SCAF1: variants seen among roughly 807,000 people sequenced by gnomAD.
SCAF1 encodes the protein SR-related CTD associated factor 1, also known as splicing factor, arginine/serine-rich 19.
SCAF1 carries 28 observed loss-of-function variants against 91.2 expected under a neutral mutation model. That is an observed-to-expected ratio of 0.31 (90% CI 0.23 to 0.42). The LOEUF is 0.42. Among genes scored for constraint, SCAF1 ranks in the 10% least tolerant of loss-of-function variants. The pLI is 1.00. For missense variants in SCAF1, 1,893 were observed against 1,872.1 expected, an observed-to-expected ratio of 1.01 and a Z score of -0.21; for synonymous variants, 1,036 against 833.7, an observed-to-expected ratio of 1.24 and a Z score of -4.18.
intron 7 of SCAF1, 121 bp from the exon 8 acceptor site, chr19:49,654,228 G>T: frequency 1.3e-6 from 1 of 788,736 alleles, no homozygotes; most frequent in Non-Finnish European, 2.1e-6. Flanking sequence ...CTGAGCGTGA[G>T]GCTTTGTGGC....
At chr19:49,644,043 G>A (rs552186739) in intron 1 of SCAF1, among the ~76,000 whole-genome samples, 2 of 152,346 alleles carry the variant, frequency 1.3e-5, no homozygotes, top group Non-Finnish European at 2.9e-5. Context: ...TGCTCTAAAT[G>A]TGTGGCAGAA....
intron 9 of SCAF1, among the ~76,000 whole-genome samples, chr19:49,655,986 A>G (rs2081136685): frequency 6.6e-6 from 1 of 152,182 alleles, no homozygotes; most frequent in South Asian, 2.1e-4. Context: ...GTGTTTTCTT[A>G]CAGTCTAGTA....
chr19:49,646,226 G>C lies in SCAF1; in HGVS notation c.261+24G>C. On this transcript the variant is annotated intron_variant, in intron 4 of 10. Coordinates refer to ENST00000360565, the MANE Select transcript of SCAF1 (RefSeq NM_021228.3). The surrounding 1 kb of genome is among the most constrained non-coding windows in gnomAD (Gnocchi z 5.6). ...CTGTGAGTAAGAAGAGGGGGCTGGGGGCCTGGCTCACGGGTATCAGGGAGG... is the reference window on the plus strand; with the variant it reads ...CTGTGAGTAAGAAGAGGGGGCTGGGCGCCTGGCTCACGGGTATCAGGGAGG... The C allele has an allele frequency of 1.9e-6, 3 of 1,587,440 alleles. No individual in the cohort carries two copies. In the South Asian group the frequency reaches 3.3e-5, roughly 18 times the overall value.
Position 49,652,255 on chromosome 19 carries a change from G to C in SCAF1, c.1866G>C (p.Ser622=). The change falls in exon 7 of 11, where the codon TCG becomes TCC. Residue 622 remains serine, a synonymous_variant. Transcript: ENST00000360565. ...SASPPPATSS[S]SSSRRERHRG... is the part of the protein sequence containing the mutation. ...CCCCGCCCCCGGCCACTTCCTCATC[G>C]TCGTCCTCGAGGCGCGAGCGGCACC... 6 of 1,431,064 alleles carry C rather than the reference G, an allele frequency of 4.2e-6. No individual in the cohort carries two copies. Among genetic ancestry groups the C allele is most frequent in the South Asian group, 1.4e-5 (1 of 70,624 alleles). The allele number at this position is 1,431,064 out of a possible 1,614,324, so 88.6% of individuals were successfully genotyped here.
intron 7 of SCAF1, 56 bp downstream of exon 7, chr19:49,653,761 G>A: frequency 7.0e-7 from 1 of 1,436,954 alleles, no homozygotes; most frequent in Non-Finnish European, 9.2e-7. Context: ...GATGGGGACT[G>A]GAGGGTACAG....
At chr19:49,657,654 G>A in intron 9 of SCAF1, 107 bp from the exon 10 acceptor site, 1 of 1,365,654 alleles carries the variant, frequency 7.3e-7, no homozygotes. Context: ...GAGAGCAGCT[G>A]GACGGCCAGA....
At chr19:49,654,114 T>C (rs2081123142) in intron 7 of SCAF1, among the ~76,000 whole-genome samples, 1 of 152,158 alleles carries the variant, frequency 6.6e-6, no homozygotes, top group Non-Finnish European at 1.5e-5. Context: ...CACTGTCTCA[T>C]CACTGCATGA....
In SCAF1 at chr19:49,652,887, TG is replaced by T; in HGVS notation, c.2499del (p.Gln834SerfsTer7). ...TCCTGTTCTTCCCGGAAGGTGAAGC[TG>T]CAGTCCAAGGTGGCGGTGCTGATCC... Reference protein sequence around the residue: ...SSSCSSRKVKLQSKVAVLIRE... With the variant: ...SSSCSSRKVKXQSKVAVLIRE... On this transcript the variant is annotated frameshift_variant, in exon 7 of 11. Coordinates refer to ENST00000360565, the MANE Select transcript of SCAF1 (RefSeq NM_021228.3). LOFTEE classifies it high-confidence loss of function. 6.2e-7 allele frequency: 1 copy of T among 1,613,978 alleles called. No individual in the cohort carries two copies. The highest frequency in any genetic ancestry group is 8.5e-7 in the Non-Finnish European group (1 of 1,179,996).
At chr19:49,656,164 G>A (rs1025189911) in intron 9 of SCAF1, among the ~76,000 whole-genome samples, 6 of 125,254 alleles carry the variant, frequency 4.8e-5, no homozygotes, top group Non-Finnish European at 9.5e-5. Context: ...CTCGGACGGT[G>A]AGGACCCCCT....
upstream of SCAF1, among the ~76,000 whole-genome samples, chr19:49,640,827 A>C (rs2081022590): frequency 6.6e-6 from 1 of 152,170 alleles, no homozygotes; most frequent in Non-Finnish European, 1.5e-5. Flanking sequence ...AGCTCGCCCA[A>C]GTAGGGATGC....
chr19:49,652,909 G>A lies in SCAF1; in HGVS notation c.2520G>A (p.Leu840=). Reference sequence around the variant, plus strand: ...AGCTGCAGTCCAAGGTGGCGGTGCTGATCCGCGAGGGTGTCAGCAGCACCA... The same window carrying A: ...AGCTGCAGTCCAAGGTGGCGGTGCTAATCCGCGAGGGTGTCAGCAGCACCA... ...KVKLQSKVAV[L]IREGVSSTTP... is the part of the protein sequence containing the mutation. Residue 840 remains leucine (L), a synonymous_variant, in exon 7 of 11, where the codon CTG becomes CTA. Coordinates refer to ENST00000360565, the MANE Select transcript of SCAF1 (RefSeq NM_021228.3). The A allele has an allele frequency of 6.2e-7, 1 of 1,613,882 alleles. No homozygotes were observed. Among genetic ancestry groups the A allele is most frequent in the Non-Finnish European group, 8.5e-7 (1 of 1,179,980 alleles).
upstream of SCAF1, among the ~76,000 whole-genome samples, chr19:49,641,626 T>TTTTTTA (rs762515358): frequency 7.7e-4 from 117 of 152,268 alleles, no homozygotes; most frequent in South Asian, 6.2e-4. Context: ...CTATTTTTAT[T>TTTTTTA]TTTTTAGAGG....
chr19:49,644,332 T>C (rs117598457), intron 1 of SCAF1, among the ~76,000 whole-genome samples: 9 of 152,232 alleles, frequency 5.9e-5, no homozygotes, highest in African/African-American at 2.2e-4. Flanking sequence ...TCCATGACAT[T>C]GCAAAGGCTT....
At chr19:49,658,091 T>C (rs2081156182) in intron 10 of SCAF1, 117 bp from the exon 11 acceptor site, 43 of 1,274,760 alleles carry the variant, frequency 3.4e-5, no homozygotes, top group Non-Finnish European at 4.6e-5. Flanking sequence ...ACAGAGGGAC[T>C]TTGGCCTGGT....
At position 49,654,400 on chromosome 19, in the gene SCAF1, A is replaced by C; in HGVS notation, c.3368A>C (p.Lys1123Thr). 1 of 1,613,484 alleles carries C rather than the reference A, an allele frequency of 6.2e-7. No homozygotes were observed. Among genetic ancestry groups the C allele is most frequent in the South Asian group, 1.1e-5 (1 of 91,056 alleles). Reference sequence around the variant, plus strand: ...GAAGCCAACCTGGCGAGCCGAGCGAAGGCCCAGGAGCTGATCCAGGCCACC... The same window carrying C: ...GAAGCCAACCTGGCGAGCCGAGCGACGGCCCAGGAGCTGATCCAGGCCACC... ...MEEANLASRAKAQELIQATNQ... is the reference protein window; with the variant it reads ...MEEANLASRATAQELIQATNQ... Residue 1123 changes from lysine (K) to threonine (T), a missense_variant, in exon 8 of 11, where the codon AAG becomes ACG. Transcript: ENST00000360565.
intron 6 of SCAF1, among the ~76,000 whole-genome samples, chr19:49,647,662 C>A (rs760101902): frequency 1.5e-4 from 23 of 152,310 alleles, no homozygotes; most frequent in Admixed American, 1.4e-3. Context: ...TACCTTGTTT[C>A]GCTGTGTCGC....
intron 1 of SCAF1, among the ~76,000 whole-genome samples, chr19:49,643,282 C>A (rs1480543090): frequency 6.6e-6 from 1 of 152,098 alleles, no homozygotes; most frequent in Non-Finnish European, 1.5e-5. Context: ...TGACCGTGAT[C>A]TGCATTAAGA....
chr19:49,656,947 G>A (rs562471805), intron 9 of SCAF1, among the ~76,000 whole-genome samples: 6 of 152,326 alleles, frequency 3.9e-5, no homozygotes, highest in African/African-American at 1.2e-4. Context: ...TTGAGCCCAG[G>A]AGTTCAAGAT....
rs1249519465 is a variant in SCAF1 at position 49,651,681 on chromosome 19, C to G, written c.1292C>G (p.Pro431Arg). The G allele has an allele frequency of 7.1e-7, 1 of 1,410,428 alleles. No homozygotes were observed. The highest frequency in any genetic ancestry group is 1.5e-5 in the African/African-American group (1 of 65,200). The allele number at this position is 1,410,428 out of a possible 1,614,324, so 87.4% of individuals were successfully genotyped here. A position where few individuals can be genotyped will look rare whatever the true frequency, so the allele number is the denominator to read the frequency against. The change falls in exon 7 of 11, where the codon CCC becomes CGC. Residue 431 changes from proline (P) to arginine (R), a missense_variant. Physicochemically the swap from Pro to Arg is moderately radical, Grantham distance 103. Around this residue, in one of 5 missense-constraint regions of SCAF1, gnomAD observed 1,436 missense variants for 1,306.8 expected, o/e 1.10. Coordinates refer to ENST00000360565, the MANE Select transcript of SCAF1 (RefSeq NM_021228.3). ...PAASATPTAQ[P>R]LPQPPAPRAP... ...GCCTCGGCCACCCCCACGGCCCAGC[C>G]CCTTCCTCAGCCTCCCGCTCCGCGG...
Sources: allele counts gnomAD v4.1 joint callset (sites outside exome capture counted in the v4.1 genomes callset), GRCh38; gene constraint gnomAD v4.1.1; regional missense constraint gnomAD v4.1.1; non-coding constraint Gnocchi (gnomAD v3.1); transcripts MANE v1.5; gene names NCBI Gene and HGNC (gene_info 2026-07-23, HGNC 2026-07-21).